The following UNC5B variants were observed in gnomAD, a reference collection of about 807,000 sequenced individuals.
The protein encoded by UNC5B is unc-5 netrin receptor B, also known as netrin receptor UNC5B.
Under a neutral mutation model 103.7 loss-of-function variants are expected in UNC5B, and 56 were observed. The ratio of observed to expected loss-of-function variants is 0.54; its 90% CI spans 0.44 to 0.67. UNC5B has a LOEUF of 0.67. Among genes scored for constraint, UNC5B ranks in the 30% least tolerant of loss-of-function variants. The pLI is 0.00. For missense variants in UNC5B, 1,194 were observed against 1,284.5 expected, an observed-to-expected ratio of 0.93 and a Z score of 1.08; for synonymous variants, 577 against 542.0, an observed-to-expected ratio of 1.06 and a Z score of -0.90.
At chr10:71,293,135 T>C (rs969701102) in intron 11 of UNC5B, among the ~76,000 whole-genome samples, 3 of 152,158 alleles carry the variant, frequency 2.0e-5, no homozygotes, top group African/African-American at 7.2e-5. Context: ...TTGAAAACCT[T>C]CCAAGATTAC....
In UNC5B at chr10:71,282,563, T is replaced by C. The variant is rs549815702; in HGVS notation, c.305-2157T>C. On this transcript the variant is annotated intron_variant, in intron 2 of 16. Transcript: ENST00000335350. The stretch of plus-strand genomic sequence containing the variant: ...ACACTCTTACAGGTTCACAGTCTGG[T>C]AAGCAAGGGGCAGGGGCTGTGCTCC... 2.0e-5 allele frequency among the ~76,000 whole-genome samples: 3 copies of C among 152,276 alleles called. No individual in the cohort carries two copies. In the East Asian group the frequency reaches 5.8e-4, roughly 29 times the overall value.
intron 1 of UNC5B, among the ~76,000 whole-genome samples, chr10:71,215,586 A>G (rs1316465637): frequency 6.6e-6 from 1 of 152,038 alleles, no homozygotes; most frequent in Non-Finnish European, 1.5e-5. Flanking sequence ...CCAGACCCTT[A>G]GAAGGTAATG....
intron 1 of UNC5B, among the ~76,000 whole-genome samples, chr10:71,264,944 G>T (rs2132284717): frequency 6.7e-6 from 1 of 149,580 alleles, no homozygotes; most frequent in Non-Finnish European, 1.5e-5. Context: ...GACCAGCCTG[G>T]GCAACATAGT....
intron 1 of UNC5B, among the ~76,000 whole-genome samples, chr10:71,236,690 C>G (rs1159509508): frequency 6.6e-6 from 1 of 152,230 alleles, no homozygotes; most frequent in Non-Finnish European, 1.5e-5. Context: ...CTCCCTGGCT[C>G]TTGCCATTAG....
intron 1 of UNC5B, among the ~76,000 whole-genome samples, chr10:71,251,652 A>G (rs931008504): frequency 3.9e-5 from 6 of 152,074 alleles, no homozygotes; most frequent in African/African-American, 1.4e-4. Context: ...AAAGTGATTA[A>G]AGTTGCAGAG....
intron 1 of UNC5B, among the ~76,000 whole-genome samples, chr10:71,227,739 CACACACAT>C (rs1233205510): frequency 0.018 from 2,655 of 148,140 alleles, 77 homozygotes; most frequent in African/African-American, 0.062. Flanking sequence ...CACACACACA[CACACACAT>C]ACATACCCTA....
At chr10:71,292,619 G>A in intron 11 of UNC5B, 65 bp downstream of exon 11, 1 of 1,438,922 alleles carries the variant, frequency 6.9e-7, no homozygotes, top group South Asian at 1.2e-5. Flanking sequence ...GCCCACACGT[G>A]GCTCCCCTTC....
intron 1 of UNC5B, among the ~76,000 whole-genome samples, chr10:71,227,275 G>A (rs924986447): frequency 6.6e-6 from 1 of 152,124 alleles, no homozygotes; most frequent in Non-Finnish European, 1.5e-5. Flanking sequence ...GTGAGCCATC[G>A]CACCCAGCCA....
At chr10:71,287,195 C>G (rs1008668981) in intron 5 of UNC5B, among the ~76,000 whole-genome samples, 4 of 152,236 alleles carry the variant, frequency 2.6e-5, no homozygotes, top group Non-Finnish European at 4.4e-5. Flanking sequence ...GTGAGCTATT[C>G]TCTGCTGCCC....
In UNC5B at chr10:71,296,686, G is replaced by A. The variant is rs370153366; in HGVS notation, c.2434G>A (p.Val812Met). The change falls in exon 15 of 17, where the codon GTG (valine) becomes ATG (methionine). Residue 812 changes from valine (V) to methionine (M), a missense_variant. Transcript: ENST00000335350. ...ASTELTCKIC[V>M]RQVEGEGQIF... The stretch of plus-strand genomic sequence containing the variant: ...CACAGAGCTCACCTGCAAGATCTGC[G>A]TGCGGCAAGTGGAAGGGGAGGGCCA... 52 of 1,614,048 alleles carry A rather than the reference G, an allele frequency of 3.2e-5. No individual in the cohort carries two copies. The highest frequency in any genetic ancestry group is 6.7e-5 in the African/African-American group (5 of 74,938).
At chr10:71,232,014 C>T (rs1024403000) in intron 1 of UNC5B, among the ~76,000 whole-genome samples, 2 of 152,212 alleles carry the variant, frequency 1.3e-5, no homozygotes, top group Non-Finnish European at 2.9e-5. Context: ...CAAGGTTAAG[C>T]CACTTGTTCC....
intron 2 of UNC5B, among the ~76,000 whole-genome samples, chr10:71,280,437 T>C (rs2132299159): frequency 6.6e-6 from 1 of 152,334 alleles, no homozygotes; most frequent in African/African-American, 2.4e-5. Context: ...TCCCTTCTGT[T>C]TGTGGAAAGT....
At chr10:71,257,138 C>G (rs1844309455) in intron 1 of UNC5B, among the ~76,000 whole-genome samples, 1 of 152,298 alleles carries the variant, frequency 6.6e-6, no homozygotes, top group South Asian at 2.1e-4. Flanking sequence ...ACTGGGTTCC[C>G]TCTGTGAGCC....
chr10:71,289,828 A>G (rs1406932201), intron 8 of UNC5B, among the ~76,000 whole-genome samples: 1 of 152,226 alleles, frequency 6.6e-6, no homozygotes, highest in African/African-American at 2.4e-5. Context: ...ACAGGGGGAC[A>G]GAAGTCGGAA....
intron 1 of UNC5B, among the ~76,000 whole-genome samples, chr10:71,277,702 C>G (rs1006600069): frequency 2.0e-5 from 3 of 152,230 alleles, no homozygotes; most frequent in Non-Finnish European, 4.4e-5. Context: ...ATCCCTGTAC[C>G]TGGCAGTGGG....
intron 1 of UNC5B, among the ~76,000 whole-genome samples, chr10:71,227,689 CATAT>C (rs1369262214): frequency 7.4e-6 from 1 of 134,488 alleles, no homozygotes; most frequent in African/African-American, 3.0e-5. Flanking sequence ...TATATATACA[CATAT>C]ATATACACAC....
Position 71,291,467 on chromosome 10 carries a change from G to A in UNC5B, c.1330G>A (p.Asp444Asn). ...PQLLHPSVPP[D>N]LTASAGIYRG... is the part of the protein sequence containing the mutation. ...GCTCCTACACCCCTCTGTGCCTCCTGACCTGACAGCCAGCGCCGGCATCTA... is the reference window on the plus strand; with the variant it reads ...GCTCCTACACCCCTCTGTGCCTCCTAACCTGACAGCCAGCGCCGGCATCTA... Residue 444 changes from aspartate (D) to asparagine (N), a missense_variant, in exon 10 of 17, where the codon GAC becomes AAC. By Grantham distance (23) the Asp-to-Asn change is conservative (BLOSUM62 1). Coordinates refer to ENST00000335350, the MANE Select transcript of UNC5B (RefSeq NM_170744.5). 1.2e-6 allele frequency: 2 copies of A among 1,613,492 alleles called. No homozygotes were observed. Among genetic ancestry groups the A allele is most frequent in the Non-Finnish European group, 1.7e-6 (2 of 1,179,676 alleles).
intron 1 of UNC5B, among the ~76,000 whole-genome samples, chr10:71,243,984 G>A (rs73276369): frequency 1.6e-4 from 24 of 152,356 alleles, no homozygotes; most frequent in Middle Eastern, 3.4e-3. Context: ...CACAGCTGGT[G>A]TGTGGTAGTG....
chr10:71,292,496 AT>A lies in UNC5B; in HGVS notation c.1716del (p.Gln574ArgfsTer28), dbSNP rs1472185773. 6.2e-7 allele frequency: 1 copy of A among 1,604,454 alleles called. No homozygotes were observed. The highest frequency in any genetic ancestry group is 1.3e-5 in the African/African-American group (1 of 74,828). On this transcript the variant is annotated frameshift_variant, in exon 11 of 17. Coordinates refer to ENST00000335350, the MANE Select transcript of UNC5B (RefSeq NM_170744.5). LOFTEE classifies it high-confidence loss of function. ...GVSLLVPNGA[I>X]PQGKFYEMYL... is the part of the protein sequence containing the mutation. Reference sequence around the variant, plus strand: ...CAGCTTGCTGGTGCCCAATGGAGCCATTCCCCAGGGCAAGTTCTACGAGATG... The same window carrying A: ...CAGCTTGCTGGTGCCCAATGGAGCCATCCCCAGGGCAAGTTCTACGAGATG...
Sources: allele counts gnomAD v4.1 joint callset (sites outside exome capture counted in the v4.1 genomes callset), GRCh38; gene constraint gnomAD v4.1.1; transcripts MANE v1.5; gene names NCBI Gene and HGNC (gene_info 2026-07-23, HGNC 2026-07-21).